The following MYO18B variants were observed in gnomAD, a reference collection of about 807,000 sequenced individuals.
MYO18B encodes the protein unconventional myosin-XVIIIb.
A neutral mutation model predicts 273.0 loss-of-function variants in MYO18B; 204 were observed. The observed-to-expected ratio is 0.75, with a 90% CI of 0.67 to 0.84. The LOEUF is 0.84. Ranked by LOEUF, MYO18B falls within the 40% of genes least tolerant of loss-of-function variation. The probability of loss-of-function intolerance (pLI) is 0.00; values close to 1 mark genes in which losing one functional copy is unlikely to be tolerated. For missense variants in MYO18B, 3,212 were observed against 3,287.6 expected, an observed-to-expected ratio of 0.98 and a Z score of 0.56; for synonymous variants, 1,330 against 1,305.7, an observed-to-expected ratio of 1.02 and a Z score of -0.40.
chr22:25,772,184 C>T (rs926004181), intron 6 of MYO18B, 150 bp from the exon 7 acceptor site: 2 of 687,506 alleles, frequency 2.9e-6, no homozygotes, highest in Non-Finnish European at 4.7e-6. Flanking sequence ...TCATTGCTTT[C>T]CATCCAGAGT....
At chr22:25,929,206 T>A (rs1041986712) in intron 34 of MYO18B, among the ~76,000 whole-genome samples, 1 of 147,720 alleles carries the variant, frequency 6.8e-6, no homozygotes, top group African/African-American at 2.5e-5. Context: ...TAACATAACA[T>A]CCCCAATTGG....
chr22:25,890,953 T>G, intron 26 of MYO18B, 78 bp downstream of exon 26: 1 of 1,534,418 alleles, frequency 6.5e-7, no homozygotes, highest in Non-Finnish European at 8.8e-7. Flanking sequence ...ACCCTCTCAT[T>G]GGAGATCAGT....
intron 12 of MYO18B, among the ~76,000 whole-genome samples, chr22:25,817,118 C>A (rs2089049406): frequency 6.6e-6 from 1 of 152,162 alleles, no homozygotes; most frequent in African/African-American, 2.4e-5. Context: ...AAGGGAAAAA[C>A]CTGCCTTTGC....
the MYO18B span, among the ~76,000 whole-genome samples, chr22:26,057,833 C>T: frequency 6.6e-6 from 1 of 152,150 alleles, no homozygotes; most frequent in Non-Finnish European, 1.5e-5. Flanking sequence ...ATTCTGGGTC[C>T]TGAGCTCTTT....
At chr22:25,848,522 C>A (rs1249220598) in intron 20 of MYO18B, among the ~76,000 whole-genome samples, 1 of 152,164 alleles carries the variant, frequency 6.6e-6, no homozygotes, top group Admixed American at 6.5e-5. Flanking sequence ...CTGAGGCATC[C>A]ACCAGCGCAG....
At chr22:25,812,417 T>C (rs5761248) in intron 12 of MYO18B, among the ~76,000 whole-genome samples, 51,421 of 152,040 alleles carry the variant, frequency 0.34, 9,121 homozygotes, top group African/African-American at 0.45. Context: ...CACCCTGTAA[T>C]GAGGTGCTCC....
At chr22:25,970,139 TCAC>T (rs1360055806) in intron 39 of MYO18B, among the ~76,000 whole-genome samples, 3 of 152,146 alleles carry the variant, frequency 2.0e-5, no homozygotes, top group African/African-American at 7.2e-5. Flanking sequence ...ATCATCTTGA[TCAC>T]CACCATCATT....
chr22:26,062,482 G>C, the MYO18B span, among the ~76,000 whole-genome samples: 1 of 152,170 alleles, frequency 6.6e-6, no homozygotes, highest in African/African-American at 2.4e-5. Context: ...AGAATTGACA[G>C]CTAGAGAGAA....
chr22:25,840,797 G>T (rs2090061066), intron 17 of MYO18B, among the ~76,000 whole-genome samples: 1 of 152,100 alleles, frequency 6.6e-6, no homozygotes, highest in Admixed American at 6.5e-5. Context: ...TAGATTTGTG[G>T]CCCCTCCCCT....
intron 39 of MYO18B, among the ~76,000 whole-genome samples, chr22:25,981,227 C>G (rs760421891): frequency 2.6e-5 from 4 of 152,232 alleles, no homozygotes; most frequent in Admixed American, 1.3e-4. Flanking sequence ...CCTGTCTTCT[C>G]TGGGGATATG....
rs1345512176 is a variant in MYO18B at position 26,003,139 on chromosome 22, C to T, written c.6288-126C>T. 13 of 843,168 alleles carry T rather than the reference C, an allele frequency of 1.5e-5. No individual in the cohort carries two copies. In the Middle Eastern group the frequency reaches 8.6e-4, roughly 56 times the overall value. 52.2% of individuals were successfully genotyped at this position (843,168 alleles called of 1,614,324 possible). A position where few individuals can be genotyped will look rare whatever the true frequency, so the allele number is the denominator to read the frequency against. On this transcript the variant is annotated intron_variant, in intron 40 of 43. Coordinates refer to ENST00000335473, the MANE Select transcript of MYO18B (RefSeq NM_032608.7). ...AGCTCAGGGAAGGCAAGTGACTTCC[C>T]TGAGATCACACAGGGGCAAAGGTTG...
intron 40 of MYO18B, among the ~76,000 whole-genome samples, chr22:26,002,912 C>G (rs17709720): frequency 0.024 from 3,665 of 152,260 alleles, 49 homozygotes; most frequent in Middle Eastern, 0.034. Context: ...CAGCTAATAC[C>G]TTGCTTGTTA....
chr22:25,893,139 TA>T (rs1029315857), intron 27 of MYO18B, among the ~76,000 whole-genome samples: 1 of 152,226 alleles, frequency 6.6e-6, no homozygotes, highest in African/African-American at 2.4e-5. Context: ...AAAGAAGCAG[TA>T]AAACATTTTA....
intron 34 of MYO18B, among the ~76,000 whole-genome samples, chr22:25,927,300 G>A (rs1213237802): frequency 2.0e-5 from 3 of 152,272 alleles, no homozygotes; most frequent in East Asian, 3.9e-4. Flanking sequence ...CTTTTTCTCA[G>A]CATGGAACAT....
intron 12 of MYO18B, among the ~76,000 whole-genome samples, chr22:25,816,219 G>T (rs547918188): frequency 6.6e-6 from 1 of 152,282 alleles, no homozygotes; most frequent in South Asian, 2.1e-4. Flanking sequence ...TTTTCTCCCG[G>T]GGTTTCTCTT....
intron 25 of MYO18B, among the ~76,000 whole-genome samples, chr22:25,885,933 A>G (rs2091485474): frequency 6.6e-6 from 1 of 152,114 alleles, no homozygotes; most frequent in South Asian, 2.1e-4. Flanking sequence ...ACCCATTCCC[A>G]CTGACATCCA....
chr22:25,811,854 T>A (rs1276659367), intron 12 of MYO18B, among the ~76,000 whole-genome samples: 1 of 152,246 alleles, frequency 6.6e-6, no homozygotes, highest in Non-Finnish European at 1.5e-5. Flanking sequence ...GAGGCATGGT[T>A]TCCTGGCAGG....
intron 1 of MYO18B, among the ~76,000 whole-genome samples, chr22:25,747,112 A>G (rs1046246622): frequency 1.3e-5 from 2 of 151,896 alleles, no homozygotes; most frequent in African/African-American, 4.8e-5. Context: ...ACAGAGTGAG[A>G]CTCCGCTTCA....
rs182728505 is a variant in MYO18B, at chr22:25,985,315, C to T, written c.6157-7048C>T. ...GGCAGCGGTTGCAGTGAGCTGAGAT[C>T]GTGCCACCGCACTTCAGCCTAGGTG... On this transcript the variant is annotated intron_variant, in intron 39 of 43. Transcript: ENST00000335473. Among the ~76,000 whole-genome samples the T allele has an allele frequency of 1.2e-3, 183 of 152,090 alleles. 1 individual carries two copies. Among genetic ancestry groups the T allele is most frequent in the Non-Finnish European group, 2.2e-3 (149 of 68,002 alleles).
Sources: gnomAD v4.1 joint callset for allele counts (sites outside exome capture counted in the v4.1 genomes callset) on GRCh38, gnomAD v4.1.1 for gene constraint, MANE v1.5 for transcripts, NCBI Gene and HGNC (gene_info 2026-07-23, HGNC 2026-07-21) for gene names.